The following PTPRD variants were observed in gnomAD, a reference collection of about 807,000 sequenced individuals.
PTPRD encodes protein tyrosine phosphatase receptor type D.
PTPRD carries 34 observed loss-of-function variants against 214.5 expected under a neutral mutation model. That is an observed-to-expected ratio of 0.16 (90% confidence interval 0.12 to 0.21). PTPRD has a LOEUF of 0.21. PTPRD is among the 10% of genes least tolerant of loss of function. The pLI is 1.00. For synonymous variants in PTPRD, 1,128 were observed against 845.7 expected (o/e 1.33, Z -5.79); for missense variants, 2,545 against 2,398.7 (o/e 1.06, Z -1.27).
At chr9:9,861,298 T>C (rs2062711531) in intron 5 of PTPRD, among the ~76,000 whole-genome samples, 1 of 151,864 alleles carries the variant, frequency 6.6e-6, no homozygotes, top group Admixed American at 6.6e-5. Flanking sequence ...TGTTTTTTGC[T>C]TTTTGTTTTT....
At chr9:9,963,006 C>A (rs1324283986) in intron 4 of PTPRD, among the ~76,000 whole-genome samples, 1 of 151,720 alleles carries the variant, frequency 6.6e-6, no homozygotes. Flanking sequence ...TATATAGTTA[C>A]ACTATATAAA....
chr9:10,368,441 T>C (rs2097552900), intron 2 of PTPRD, among the ~76,000 whole-genome samples: 1 of 152,132 alleles, frequency 6.6e-6, no homozygotes, highest in Admixed American at 6.6e-5. Context: ...TAGTACATGA[T>C]GGATAGTAAA....
At chr9:9,921,953 AGTCCAAGCAGT>A (rs1426071088) in intron 5 of PTPRD, among the ~76,000 whole-genome samples, 11 of 152,094 alleles carry the variant, frequency 7.2e-5, no homozygotes, top group African/African-American at 2.7e-4. Flanking sequence ...CTAGTATTCA[AGTCCAAGCAGT>A]GTCGTTGTAA....
intron 2 of PTPRD, among the ~76,000 whole-genome samples, chr9:10,507,863 C>A (rs144463775): frequency 6.6e-6 from 1 of 152,110 alleles, no homozygotes; most frequent in South Asian, 2.1e-4. Flanking sequence ...AAAACCTAGG[C>A]AACACCATTC....
In PTPRD at chr9:8,784,594, T is replaced by C. The variant is rs184621185; in HGVS notation, c.-103-50648A>G. On this transcript the variant is annotated intron_variant, in intron 11 of 45. Transcript: ENST00000381196. ...CTTTTAATTAAACAGCGTCAGAACC[T>C]TTCCAATTCGGCAAAACTTTTAAGA... is the stretch of plus-strand genomic sequence containing the variant. Among the ~76,000 whole-genome samples, 51 of 152,288 alleles carry C rather than the reference T, an allele frequency of 3.3e-4. No homozygotes were observed. In the East Asian group the frequency reaches 9.1e-3, roughly 27 times the overall value.
Position 8,641,620 on chromosome 9 carries a change from C to T in PTPRD, c.65-4776G>A, listed in dbSNP as rs1003612134. Among the ~76,000 whole-genome samples the T allele has an allele frequency of 1.2e-4, 16 of 133,230 alleles. 1 individual carries two copies. The highest frequency in any genetic ancestry group is 8.3e-4 in the Admixed American group (12 of 14,454). The allele number at this position is 133,230 out of a possible 152,430, so 87.4% of individuals were successfully genotyped here. A position where few individuals can be genotyped will look rare whatever the true frequency, so the allele number is the denominator to read the frequency against. ...ATATGCGTCACAACAGAGACATGGC[C>T]GATATTCTAGAATGTGTCTGCCAGG... On this transcript the variant is annotated intron_variant, in intron 12 of 45. Transcript: ENST00000381196.
At chr9:10,277,643 A>G (rs756409819) in intron 3 of PTPRD, among the ~76,000 whole-genome samples, 1 of 152,190 alleles carries the variant, frequency 6.6e-6, no homozygotes, top group Non-Finnish European at 1.5e-5. Context: ...TTCTTGTATA[A>G]CTACTGCTAT....
intron 3 of PTPRD, among the ~76,000 whole-genome samples, chr9:10,040,227 C>T (rs946969323): frequency 3.3e-5 from 5 of 151,936 alleles, no homozygotes; most frequent in South Asian, 4.1e-4. Flanking sequence ...ACCAGAGAAC[C>T]CAAAAGTCTT....
intron 3 of PTPRD, among the ~76,000 whole-genome samples, chr9:10,075,677 C>T (rs1017951189): frequency 4.6e-5 from 7 of 151,058 alleles, no homozygotes; most frequent in African/African-American, 1.5e-4. Context: ...CTCTCATTTT[C>T]TGGGGGGGAG....
intron 10 of PTPRD, among the ~76,000 whole-genome samples, chr9:9,108,400 G>C (rs2099801594): frequency 1.3e-5 from 2 of 152,114 alleles, no homozygotes; most frequent in African/African-American, 4.8e-5. Flanking sequence ...AGTTTAGGTA[G>C]GCTGTGCTAT....
intron 12 of PTPRD, among the ~76,000 whole-genome samples, chr9:8,640,019 C>T (rs1166080497): frequency 6.6e-6 from 1 of 152,170 alleles, no homozygotes; most frequent in Non-Finnish European, 1.5e-5. Context: ...CAGCCTCAAC[C>T]TCCCAGGCTC....
rs549075927 is a variant in PTPRD, at chr9:9,275,908, G to A, written c.-202-92545C>T. ...TACTATACTAGAATGTCCCCAGGCC[G>A]TGAAGGAGATTGAGCTGTGTAAACC... On this transcript the variant is annotated intron_variant, in intron 9 of 45. Coordinates refer to ENST00000381196, the MANE Select transcript of PTPRD (RefSeq NM_002839.4). 7.8e-4 allele frequency among the ~76,000 whole-genome samples: 118 copies of A among 151,244 alleles called. 2 individuals carry two copies. Among genetic ancestry groups the A allele is most frequent in the Non-Finnish European group, 1.5e-3 (103 of 67,528 alleles).
chr9:9,223,375 G>A (rs1293987016), intron 9 of PTPRD, among the ~76,000 whole-genome samples: 1 of 151,940 alleles, frequency 6.6e-6, no homozygotes, highest in Non-Finnish European at 1.5e-5. Flanking sequence ...AAGCTCTTTT[G>A]TGCTGTAAGA....
intron 9 of PTPRD, among the ~76,000 whole-genome samples, chr9:9,205,076 T>C (rs2099944040): frequency 1.3e-5 from 2 of 152,238 alleles, no homozygotes; most frequent in Admixed American, 6.5e-5. Context: ...ATTAAACACA[T>C]TACTAATCTG....
chr9:10,038,515 A>G (rs1261973803), intron 3 of PTPRD, among the ~76,000 whole-genome samples: 1 of 152,098 alleles, frequency 6.6e-6, no homozygotes, highest in Non-Finnish European at 1.5e-5. Context: ...CACTTCTGAT[A>G]TCTTATGTAG....
chr9:10,475,089 G>A (rs546187233), intron 2 of PTPRD, among the ~76,000 whole-genome samples: 1 of 152,164 alleles, frequency 6.6e-6, no homozygotes, highest in African/African-American at 2.4e-5. Context: ...AGAAGCAAGA[G>A]CAAACCAATT....
intron 10 of PTPRD, among the ~76,000 whole-genome samples, chr9:9,056,807 T>G (rs1423708037): frequency 6.6e-6 from 1 of 152,238 alleles, no homozygotes; most frequent in African/African-American, 2.4e-5. Context: ...ATATATTTAT[T>G]AAATCATATT....
At chr9:8,506,356 T>C (rs1312774690) in intron 22 of PTPRD, among the ~76,000 whole-genome samples, 1 of 152,192 alleles carries the variant, frequency 6.6e-6, no homozygotes, top group African/African-American at 2.4e-5. Flanking sequence ...CCCCATTGGA[T>C]TTAACAATAA....
chr9:8,411,050 G>T (rs1204150019), intron 35 of PTPRD, among the ~76,000 whole-genome samples: 3 of 151,902 alleles, frequency 2.0e-5, no homozygotes, highest in Non-Finnish European at 4.4e-5. Context: ...ATCTAACGTG[G>T]ATTAAAAATG....
Sources: gnomAD v4.1 joint callset for allele counts (sites outside exome capture counted in the v4.1 genomes callset) on GRCh38, gnomAD v4.1.1 for gene constraint, MANE v1.5 for transcripts, NCBI Gene and HGNC (gene_info 2026-07-23, HGNC 2026-07-21) for gene names.